ABR: variants seen among roughly 807,000 people sequenced by gnomAD.
ABR encodes active breakpoint cluster region-related protein.
In ABR, 35 loss-of-function variants were observed where a neutral mutation model predicts 107.2. The ratio of observed to expected loss-of-function variants is 0.33; its 90% CI spans 0.25 to 0.43. ABR has a LOEUF of 0.43. Among genes scored for constraint, ABR ranks in the 20% least tolerant of loss-of-function variants. The pLI, the probability that ABR is intolerant of heterozygous loss-of-function variation, is 1.00. For synonymous variants in ABR, 498 were observed against 462.0 expected, an observed-to-expected ratio of 1.08 and a Z score of -1.00; for missense variants, 815 against 1,115.2, an observed-to-expected ratio of 0.73 and a Z score of 3.83.
chr17:1,081,082 G>A (rs768461606), intron 5 of ABR, among the ~76,000 whole-genome samples: 10 of 152,142 alleles, frequency 6.6e-5, no homozygotes, highest in Non-Finnish European at 1.2e-4. Context: ...CAGGCAATCA[G>A]CCCAGGCCAA....
At chr17:1,098,176 C>T (rs934510307) in intron 3 of ABR, among the ~76,000 whole-genome samples, 1 of 151,886 alleles carries the variant, frequency 6.6e-6, no homozygotes, top group African/African-American at 2.4e-5. Flanking sequence ...AGGTTGACGC[C>T]ATTCTCCTGC....
At position 1,023,095 on chromosome 17, in the gene ABR, GCCTCTGCCGGCC is replaced by G. The variant is rs1252862391; in HGVS notation, c.1792-9943_1792-9932del. The stretch of plus-strand genomic sequence containing the variant: ...CTGCCGGCCCCACGTCCACTGCAGA[GCCTCTGCCGGCC>G]CCACGTCCACTACAGCGCCTCTGCC... On this transcript the variant is annotated intron_variant, in intron 16 of 22. Transcript: ENST00000302538. Among the ~76,000 whole-genome samples, 850 of 149,000 alleles carry G rather than the reference GCCTCTGCCGGCC, an allele frequency of 5.7e-3. 11 individuals carry two copies. Among genetic ancestry groups the G allele is most frequent in the African/African-American group, 0.019 (738 of 39,568 alleles).
intron 16 of ABR, chr17:1,039,409 T>G (rs1425918157): frequency 6.6e-6 from 1 of 152,148 alleles, no homozygotes; most frequent in Non-Finnish European, 1.5e-5. Flanking sequence ...ACGAGAGAGG[T>G]TCGTGCCCCA....
rs2151626753 is a variant in ABR at position 1,179,454 on chromosome 17, C to A, written c.61+213G>T. 6.6e-6 allele frequency among the ~76,000 whole-genome samples: 1 copy of A among 151,668 alleles called. No homozygotes were observed. Among genetic ancestry groups the A allele is most frequent in the South Asian group, 2.1e-4 (1 of 4,792 alleles). Reference sequence around the variant, plus strand: ...GGACCCCCCGCCCGCGCCCCCCAGACCAGCCCGGCTCCTGGGTCCCGACCC... The same window carrying A: ...GGACCCCCCGCCCGCGCCCCCCAGAACAGCCCGGCTCCTGGGTCCCGACCC... On this transcript the variant is annotated intron_variant, in intron 1 of 22. Transcript: ENST00000302538. This position sits in a 1 kb window ranked among gnomAD's most constrained non-coding sequence, Gnocchi z 4.9.
In ABR at chr17:1,031,937, T is replaced by C. The variant is rs1430817697; in HGVS notation, c.1791+18113A>G. On this transcript the variant is annotated intron_variant, in intron 16 of 22. Coordinates refer to ENST00000302538, the MANE Select transcript of ABR (RefSeq NM_021962.5). ...CCTCCTCCCTCCTCCGCATCCCTCC[T>C]TCCCCGCCCTCCGCGAGGCTGCAGC... is the stretch of plus-strand genomic sequence containing the variant. 4.7e-6 allele frequency: 4 copies of C among 853,680 alleles called. No homozygotes were observed. In the East Asian group the frequency reaches 1.2e-4, roughly 27 times the overall value. 52.9% of individuals were successfully genotyped at this position (853,680 alleles called of 1,614,324 possible).
intron 1 of ABR, among the ~76,000 whole-genome samples, chr17:1,203,986 C>G (rs2042738887): frequency 6.6e-6 from 1 of 152,180 alleles, no homozygotes; most frequent in African/African-American, 2.4e-5. Flanking sequence ...GGGGAAATCC[C>G]TGGAGCCGAG....
intron 16 of ABR, among the ~76,000 whole-genome samples, chr17:1,015,245 T>C (rs11657764): frequency 0.73 from 110,945 of 151,360 alleles, 41,367 homozygotes; most frequent in African/African-American, 0.87. Context: ...GACAAAACCC[T>C]GTCTCTACTA....
intron 1 of ABR, among the ~76,000 whole-genome samples, chr17:1,194,046 C>A (rs921290463): frequency 1.3e-5 from 2 of 152,154 alleles, no homozygotes; most frequent in Middle Eastern, 6.3e-3. Flanking sequence ...AAGGAAGACA[C>A]AAAGATGAAT....
chr17:1,104,335 G>C (rs997951896), intron 2 of ABR, among the ~76,000 whole-genome samples: 1 of 152,188 alleles, frequency 6.6e-6, no homozygotes, highest in Non-Finnish European at 1.5e-5. Flanking sequence ...CTCAGGCCTG[G>C]TCCTCCACAG....
intron 1 of ABR, among the ~76,000 whole-genome samples, chr17:1,198,205 G>C (rs2042606408): frequency 2.0e-5 from 3 of 151,512 alleles, no homozygotes; most frequent in Non-Finnish European, 4.4e-5. Context: ...CCACACATGA[G>C]GCTGTACATG....
intron 5 of ABR, 119 bp downstream of exon 5, chr17:1,083,397 CTAAG>C (rs2036392174): frequency 5.4e-6 from 3 of 556,528 alleles, no homozygotes; most frequent in Non-Finnish European, 9.7e-6. Context: ...AAATATCAGG[CTAAG>C]TGTTACCCAT....
chr17:1,045,403 CGTCTTCTT>C (rs2031422821), intron 16 of ABR, among the ~76,000 whole-genome samples: 2 of 125,644 alleles, frequency 1.6e-5, no homozygotes, highest in Non-Finnish European at 3.6e-5. Flanking sequence ...GACAATCTTC[CGTCTTCTT>C]ACAGCAGGAC....
rs2304959 is a variant in ABR at position 1,056,981 on chromosome 17, C to A, written c.1486+17G>T. ...CTGGGACCTGCCGGTTGGGCCACCTCTGGTTCCCGAGCTTACCGTCTTTAT... is the reference window on the plus strand; with the variant it reads ...CTGGGACCTGCCGGTTGGGCCACCTATGGTTCCCGAGCTTACCGTCTTTAT... On this transcript the variant is annotated intron_variant, in intron 13 of 22. Coordinates refer to ENST00000302538, the MANE Select transcript of ABR (RefSeq NM_021962.5). 2 of 1,585,256 alleles carry A rather than the reference C, an allele frequency of 1.3e-6. No homozygotes were observed. Among genetic ancestry groups the A allele is most frequent in the Non-Finnish European group, 1.7e-6 (2 of 1,155,650 alleles).
intron 14 of ABR, chr17:1,055,774 G>A (rs1052077811): frequency 4.1e-5 from 17 of 417,426 alleles, no homozygotes; most frequent in Non-Finnish European, 5.7e-5. Flanking sequence ...TGATCCGCCC[G>A]CCTGGGCCTC....
Position 1,050,300 on chromosome 17 carries a change from G to A in ABR, c.1660-119C>T, listed in dbSNP as rs150203558. 175 of 1,342,574 alleles carry A rather than the reference G, an allele frequency of 1.3e-4. No homozygotes were observed. In the African/African-American group the frequency reaches 2.2e-3, roughly 17 times the overall value. The allele number at this position is 1,342,574 out of a possible 1,614,324, so 83.2% of individuals were successfully genotyped here. A position where few individuals can be genotyped will look rare whatever the true frequency, so the allele number is the denominator to read the frequency against. On this transcript the variant is annotated intron_variant, in intron 15 of 22. Transcript: ENST00000302538. The surrounding 1 kb of genome is among the most constrained non-coding windows in gnomAD (Gnocchi z 4.6). ...AGTAAGCACGGCCCACGAAGGACACGTCAGATTTTCTGGAGCTCCCAGAGG... is the reference window on the plus strand; with the variant it reads ...AGTAAGCACGGCCCACGAAGGACACATCAGATTTTCTGGAGCTCCCAGAGG...
chr17:1,009,514 C>A (rs1448036572), intron 21 of ABR, among the ~76,000 whole-genome samples, 165 bp downstream of exon 21: 1 of 151,938 alleles, frequency 6.6e-6, no homozygotes, highest in Non-Finnish European at 1.5e-5. Flanking sequence ...ACAGACAGCC[C>A]GATGGAGGCC....
intron 1 of ABR, among the ~76,000 whole-genome samples, chr17:1,138,206 C>T (rs969676462): frequency 2.0e-5 from 3 of 151,822 alleles, no homozygotes; most frequent in Admixed American, 2.0e-4. Flanking sequence ...GTCCAGCTCT[C>T]AACTACTTTT....
At chr17:1,019,970 A>C (rs914303982) in intron 16 of ABR, among the ~76,000 whole-genome samples, 4 of 152,230 alleles carry the variant, frequency 2.6e-5, no homozygotes, top group Admixed American at 2.6e-4. Context: ...GGTGGGCCAC[A>C]GGCAGGAGAC....
intron 1 of ABR, among the ~76,000 whole-genome samples, chr17:1,226,285 C>A (rs1425205681): frequency 6.6e-6 from 1 of 152,190 alleles, no homozygotes; most frequent in Non-Finnish European, 1.5e-5. Flanking sequence ...AAACGCCTTC[C>A]CTTAATCGCT....
Sources: allele counts gnomAD v4.1 joint callset (sites outside exome capture counted in the v4.1 genomes callset), GRCh38; gene constraint gnomAD v4.1.1; non-coding constraint Gnocchi (gnomAD v3.1); transcripts MANE v1.5; gene names NCBI Gene and HGNC (gene_info 2026-07-23, HGNC 2026-07-21).